MIPOL1: variants seen among roughly 807,000 people sequenced by gnomAD.
The protein encoded by MIPOL1 is mirror-image polydactyly 1, also known as mirror-image polydactyly gene 1 protein.
MIPOL1 carries 57 observed loss-of-function variants against 60.9 expected under a neutral mutation model. The ratio of observed to expected loss-of-function variants is 0.94; its 90% confidence interval spans 0.76 to 1.17. The LOEUF (loss-of-function observed/expected upper bound fraction) is 1.17. MIPOL1 is among the 50% of genes most tolerant of loss of function. The pLI is 0.00. For synonymous variants in MIPOL1, 179 were observed against 168.8 expected (o/e 1.06, Z -0.47); for missense variants, 551 against 511.6 (o/e 1.08, Z -0.74).
intron 11 of MIPOL1, among the ~76,000 whole-genome samples, chr14:37,440,785 A>ACCTACTTG (rs1566609358): frequency 6.6e-6 from 1 of 152,136 alleles, no homozygotes. Flanking sequence ...ACCAAGTAGT[A>ACCTACTTG]GTATTGCTGG....
Position 37,345,124 on chromosome 14 carries a change from G to T in MIPOL1, c.829-24393G>T, listed in dbSNP as rs559941539. ...TTTTATTTTATTTTTTTGAGGCAGG[G>T]TCTTGCTTTGTCACCAAGGCTGGAG... On this transcript the variant is annotated intron_variant, in intron 9 of 12. Transcript: ENST00000684589. 6.6e-5 allele frequency among the ~76,000 whole-genome samples: 10 copies of T among 151,976 alleles called. No individual in the cohort carries two copies. In the South Asian group the frequency reaches 2.1e-3, roughly 32 times the overall value.
chr14:37,336,856 GT>G (rs1341772880), intron 9 of MIPOL1, among the ~76,000 whole-genome samples: 1 of 151,892 alleles, frequency 6.6e-6, no homozygotes, highest in Non-Finnish European at 1.5e-5. Context: ...CACCTCCCAG[GT>G]TCAATCGATT....
At chr14:37,223,746 C>T (rs2139569233) in intron 1 of MIPOL1, among the ~76,000 whole-genome samples, 1 of 152,274 alleles carries the variant, frequency 6.6e-6, no homozygotes, top group East Asian at 1.9e-4. Flanking sequence ...GGAGATCTGC[C>T]CACCTCGGTC....
At chr14:37,539,673 T>C (rs1804769248) in intron 12 of MIPOL1, among the ~76,000 whole-genome samples, 1 of 152,194 alleles carries the variant, frequency 6.6e-6, no homozygotes, top group African/African-American at 2.4e-5. Context: ...ACAATTTTCT[T>C]AACATTTTGA....
chr14:37,308,198 AC>A, intron 8 of MIPOL1, 109 bp downstream of exon 8: 20 of 1,238,150 alleles, frequency 1.6e-5, no homozygotes, highest in Non-Finnish European at 2.3e-5. Context: ...AAGAATTGAC[AC>A]ACTAATAATG....
chr14:37,393,655 T>C (rs185449338), intron 10 of MIPOL1, among the ~76,000 whole-genome samples: 192 of 152,110 alleles, frequency 1.3e-3, no homozygotes, highest in African/African-American at 4.6e-3. Flanking sequence ...GAAAATACAA[T>C]TTTATGGCAG....
intron 11 of MIPOL1, chr14:37,423,639 T>C (rs758991967): frequency 3.4e-4 from 52 of 152,130 alleles, no homozygotes; most frequent in Non-Finnish European, 6.2e-4. Context: ...CAATGCCATG[T>C]ATATTCTTTC....
At chr14:37,497,832 A>G (rs1004024963) in intron 11 of MIPOL1, among the ~76,000 whole-genome samples, 1 of 152,306 alleles carries the variant, frequency 6.6e-6, no homozygotes, top group African/African-American at 2.4e-5. Flanking sequence ...GGGAGTACAA[A>G]TTGGTACAAC....
chr14:37,475,344 C>T (rs542574883), intron 11 of MIPOL1, among the ~76,000 whole-genome samples: 1 of 152,222 alleles, frequency 6.6e-6, no homozygotes, highest in East Asian at 1.9e-4. Flanking sequence ...ATGTGTTTTG[C>T]AAGGATGTTC....
chr14:37,469,653 A>G (rs2094651819), intron 11 of MIPOL1, among the ~76,000 whole-genome samples: 1 of 152,186 alleles, frequency 6.6e-6, no homozygotes, highest in South Asian at 2.1e-4. Context: ...TGCCACTATA[A>G]CAATATTAAG....
intron 11 of MIPOL1, among the ~76,000 whole-genome samples, chr14:37,474,063 A>G (rs940481502): frequency 6.6e-6 from 1 of 152,160 alleles, no homozygotes; most frequent in African/African-American, 2.4e-5. Flanking sequence ...AGCAATATGC[A>G]TTTTAAGTTC....
Position 37,299,315 on chromosome 14 carries a change from G to A in MIPOL1, c.624-8741G>A, listed in dbSNP as rs2086133686. Among the ~76,000 whole-genome samples, 8 of 152,148 alleles carry A rather than the reference G, an allele frequency of 5.3e-5. No homozygotes were observed. The South Asian group carries it at 1.5e-3, about 28-fold the overall frequency. On this transcript the variant is annotated intron_variant, in intron 7 of 12. Transcript: ENST00000684589. Reference sequence around the variant, plus strand: ...AGGGTAGGGAGAGGGGGGCGGGATAGCATTAGGAGATATACCTAATGCTAA... The same window carrying A: ...AGGGTAGGGAGAGGGGGGCGGGATAACATTAGGAGATATACCTAATGCTAA...
intron 12 of MIPOL1, among the ~76,000 whole-genome samples, chr14:37,525,901 TATTA>T (rs1325021366): frequency 2.6e-5 from 4 of 152,192 alleles, no homozygotes; most frequent in Non-Finnish European, 5.9e-5. Context: ...TTTGTGCCCA[TATTA>T]ATTGTTGAAA....
rs992991615 is a variant in MIPOL1, at chr14:37,293,764, G to T, written c.623+8317G>T. ...AAGGTGGCAGCGAGGCTTTGGTGGG[G>T]GGTGCCCGCCATTGCTCAGGCTTGA... On this transcript the variant is annotated intron_variant, in intron 7 of 12. Transcript: ENST00000684589. 2.0e-5 allele frequency among the ~76,000 whole-genome samples: 3 copies of T among 152,170 alleles called. 1 individual carries two copies. The South Asian group carries it at 6.2e-4, about 32-fold the overall frequency.
chr14:37,313,132 T>C (rs1054261781), intron 9 of MIPOL1, among the ~76,000 whole-genome samples: 2 of 101,722 alleles, frequency 2.0e-5, no homozygotes, highest in Non-Finnish European at 5.3e-5. Flanking sequence ...TCAGAACATT[T>C]GACAAATAAA....
chr14:37,274,172 A>T (rs1481022542), intron 6 of MIPOL1, among the ~76,000 whole-genome samples: 2 of 151,506 alleles, frequency 1.3e-5, no homozygotes, highest in East Asian at 3.9e-4. Flanking sequence ...AAAAGAAATG[A>T]GATGCAAAAG....
chr14:37,493,429 AC>A (rs771751215), intron 11 of MIPOL1, among the ~76,000 whole-genome samples: 5 of 152,126 alleles, frequency 3.3e-5, no homozygotes, highest in Non-Finnish European at 5.9e-5. Flanking sequence ...AAAGTAATAG[AC>A]CAGGGAACGT....
intron 10 of MIPOL1, among the ~76,000 whole-genome samples, chr14:37,395,201 C>T (rs1306178386): frequency 1.3e-5 from 2 of 152,064 alleles, no homozygotes; most frequent in Admixed American, 6.6e-5. Flanking sequence ...GCAATACTTC[C>T]AAATTTGTTC....
At chr14:37,426,564 AATATACATATATATATAT>A (rs1391308579) in intron 11 of MIPOL1, among the ~76,000 whole-genome samples, 1 of 20,620 alleles carries the variant, frequency 4.8e-5, no homozygotes, top group African/African-American at 1.7e-4. Flanking sequence ...TCTGTCTCAA[AATATACATATATATATAT>A]ATATATATAT....
Sources: gnomAD v4.1 joint callset for allele counts (sites outside exome capture counted in the v4.1 genomes callset) on GRCh38, gnomAD v4.1.1 for gene constraint, MANE v1.5 for transcripts, NCBI Gene and HGNC (gene_info 2026-07-23, HGNC 2026-07-21) for gene names.